Variants in VPS13C observed in about 807,000 individuals in gnomAD.
VPS13C encodes intermembrane lipid transfer protein VPS13C.
A neutral mutation model predicts 456.8 loss-of-function variants in VPS13C; 358 were observed. The observed-to-expected ratio is 0.78, with a 90% CI of 0.72 to 0.86. The LOEUF (loss-of-function observed/expected upper bound fraction) is 0.86, where lower values mean the gene tolerates loss of function less well. VPS13C is among the 40% of genes least tolerant of loss of function. VPS13C has a pLI of 0.00. For synonymous variants in VPS13C, 1,578 were observed against 1,486.7 expected (o/e 1.06, Z -1.41); for missense variants, 4,818 against 4,385.4 (o/e 1.10, Z -2.79).
At chr15:61,916,141 G>C (rs2043465658) in intron 60 of VPS13C, 119 bp from the exon 61 acceptor site, 7 of 1,140,134 alleles carry the variant, frequency 6.1e-6, no homozygotes, top group East Asian at 2.6e-5. Context: ...AGTCTTCTGT[G>C]AAGTACCATG....
At chr15:61,905,172 G>A (rs553541545) in intron 66 of VPS13C, among the ~76,000 whole-genome samples, 9 of 152,180 alleles carry the variant, frequency 5.9e-5, no homozygotes, top group Non-Finnish European at 1.0e-4. Context: ...CAGGTGATAC[G>A]CCAATTACTC....
intron 10 of VPS13C, 149 bp downstream of exon 10, chr15:62,013,783 AG>A (rs762974965): frequency 2.1e-4 from 114 of 530,348 alleles, no homozygotes; most frequent in East Asian, 1.2e-3. Context: ...GTGATTACAG[AG>A]GGTCACATAG....
At chr15:61,887,329 C>G (rs1226235109) in intron 67 of VPS13C, among the ~76,000 whole-genome samples, 1 of 152,098 alleles carries the variant, frequency 6.6e-6, no homozygotes, top group African/African-American at 2.4e-5. Flanking sequence ...TAAATAAAAT[C>G]GAATACAATG....
chr15:61,944,553 T>C (rs2044541197), intron 45 of VPS13C, among the ~76,000 whole-genome samples: 1 of 152,104 alleles, frequency 6.6e-6, no homozygotes, highest in African/African-American at 2.4e-5. Context: ...AAATACTACA[T>C]ATTTTCACTT....
At chr15:62,024,642 C>T (rs1055702252) in intron 6 of VPS13C, among the ~76,000 whole-genome samples, 2 of 152,076 alleles carry the variant, frequency 1.3e-5, no homozygotes, top group African/African-American at 4.8e-5. Context: ...ATACTAATCA[C>T]ATCCTGTTAA....
At chr15:61,932,471 G>A (rs1231054513) in intron 49 of VPS13C, among the ~76,000 whole-genome samples, 1 of 151,422 alleles carries the variant, frequency 6.6e-6, no homozygotes, top group Non-Finnish European at 1.5e-5. Flanking sequence ...AATGGACCTC[G>A]ATCTTTATTC....
chr15:61,934,181 T>C, intron 49 of VPS13C, 38 bp downstream of exon 49: 2 of 1,409,394 alleles, frequency 1.4e-6, no homozygotes, highest in Non-Finnish European at 1.9e-6. Flanking sequence ...TATCAAGAGC[T>C]AAGGATTTAT....
intron 58 of VPS13C, among the ~76,000 whole-genome samples, chr15:61,918,842 T>C (rs1384949189): frequency 6.6e-6 from 1 of 151,966 alleles, no homozygotes; most frequent in Non-Finnish European, 1.5e-5. Flanking sequence ...GTAGAAAAAA[T>C]ATTTACACAG....
intron 22 of VPS13C, among the ~76,000 whole-genome samples, chr15:61,981,119 C>A (rs1173468538): frequency 1.3e-5 from 2 of 152,130 alleles, no homozygotes; most frequent in East Asian, 3.9e-4. Flanking sequence ...GTAATCCAGT[C>A]CTTACTGTCA....
chr15:61,912,117 A>G, intron 62 of VPS13C, 113 bp from the exon 63 acceptor site: 1 of 981,968 alleles, frequency 1.0e-6, no homozygotes, highest in Non-Finnish European at 1.3e-6. Flanking sequence ...ATAATTCTTA[A>G]ATAAAGCAAC....
At chr15:61,902,279 G>A (rs4774424) in intron 66 of VPS13C, among the ~76,000 whole-genome samples, 1,066 of 72,176 alleles carry the variant, frequency 0.015, 11 homozygotes, top group South Asian at 0.075. Flanking sequence ...GAAAAAAAAC[G>A]TAAAAAAAAA....
intron 16 of VPS13C, among the ~76,000 whole-genome samples, chr15:61,992,609 T>C (rs972772902): frequency 6.6e-6 from 1 of 152,126 alleles, no homozygotes; most frequent in African/African-American, 2.4e-5. Flanking sequence ...GATTGGTGAA[T>C]GTAAAGACTA....
chr15:62,006,031 A>C (rs1221804983), intron 15 of VPS13C, among the ~76,000 whole-genome samples: 1 of 151,744 alleles, frequency 6.6e-6, no homozygotes, highest in Non-Finnish European at 1.5e-5. Flanking sequence ...AAGGGAGTAC[A>C]TAAGACCTCT....
intron 45 of VPS13C, among the ~76,000 whole-genome samples, chr15:61,942,544 CT>C (rs56793702): frequency 0.051 from 6,571 of 129,038 alleles, 260 homozygotes; most frequent in African/African-American, 0.12. Context: ...TCTGATAAGG[CT>C]TTTTTTTTTT....
At chr15:61,875,654 G>T in intron 76 of VPS13C, 78 bp downstream of exon 76, 1 of 953,954 alleles carries the variant, frequency 1.0e-6, no homozygotes, top group Non-Finnish European at 1.6e-6. Context: ...CAATTACAAT[G>T]CAAATTACTA....
rs1310867160 is a variant in VPS13C at position 61,994,653 on chromosome 15, G to C, written c.1354-2851C>G. ...CACCCAGGCTGGAGTGCAATGGCATGGTCTCGGCTCACTGCAACCTCCACC... is the reference window on the plus strand; with the variant it reads ...CACCCAGGCTGGAGTGCAATGGCATCGTCTCGGCTCACTGCAACCTCCACC... On this transcript the variant is annotated intron_variant, in intron 16 of 84. Coordinates refer to ENST00000644861, the MANE Select transcript of VPS13C (RefSeq NM_020821.3). 6.0e-5 allele frequency among the ~76,000 whole-genome samples: 9 copies of C among 151,150 alleles called. No individual in the cohort carries two copies. The East Asian group carries it at 1.8e-3, about 29-fold the overall frequency.
In VPS13C at chr15:62,034,168, T is replaced by C. The variant is rs147540961; in HGVS notation, c.284-626A>G. On this transcript the variant is annotated intron_variant, in intron 4 of 84. Coordinates refer to ENST00000644861, the MANE Select transcript of VPS13C (RefSeq NM_020821.3). ...GCTAAAAACAGTAGGTAGCCCACAA[T>C]AGAATACCATACAGCCTTTCAAAAC... Among the ~76,000 whole-genome samples, 310 of 151,748 alleles carry C rather than the reference T, an allele frequency of 2.0e-3. 1 individual carries two copies. Among genetic ancestry groups the C allele is most frequent in the African/African-American group, 7.0e-3 (289 of 41,498 alleles).
intron 65 of VPS13C, among the ~76,000 whole-genome samples, chr15:61,908,324 G>A (rs2043206101): frequency 6.6e-6 from 1 of 151,478 alleles, no homozygotes; most frequent in African/African-American, 2.4e-5. Context: ...ATTTATATGT[G>A]TGTATATATG....
intron 6 of VPS13C, among the ~76,000 whole-genome samples, chr15:62,024,342 G>C (rs1444187773): frequency 6.6e-6 from 1 of 151,976 alleles, no homozygotes; most frequent in African/African-American, 2.4e-5. Context: ...AATGACTCAA[G>C]GATATAAAGA....
Sources: gnomAD v4.1 joint callset for allele counts (sites outside exome capture counted in the v4.1 genomes callset) on GRCh38, gnomAD v4.1.1 for gene constraint, MANE v1.5 for transcripts, NCBI Gene and HGNC (gene_info 2026-07-23, HGNC 2026-07-21) for gene names.